Variants in PDGFD observed in about 807,000 individuals in gnomAD.
PDGFD encodes platelet-derived growth factor D.
In PDGFD, 30 loss-of-function variants were observed where a neutral mutation model predicts 44.7. That is an observed-to-expected ratio of 0.67 (90% CI 0.50 to 0.91). PDGFD has a LOEUF of 0.91. Among genes scored for constraint, PDGFD ranks in the 40% least tolerant of loss-of-function variants. The pLI, the probability that PDGFD is intolerant of heterozygous loss-of-function variation, is 0.00. For missense variants in PDGFD, 445 were observed against 457.8 expected (o/e 0.97, Z 0.25); for synonymous variants, 173 against 168.4 (o/e 1.03, Z -0.21).
At chr11:103,997,940 A>T (rs1373350298) in intron 2 of PDGFD, among the ~76,000 whole-genome samples, 2 of 151,850 alleles carry the variant, frequency 1.3e-5, no homozygotes, top group Non-Finnish European at 2.9e-5. Flanking sequence ...TTCCTTCCAT[A>T]AATTTTGAGG....
At chr11:104,036,901 C>T (rs750450904) in intron 1 of PDGFD, 13 of 1,614,172 alleles carry the variant, frequency 8.1e-6, no homozygotes, top group Non-Finnish European at 1.1e-5. Flanking sequence ...CGACTTTGAG[C>T]TCCGAAACTT....
intron 3 of PDGFD, among the ~76,000 whole-genome samples, chr11:103,951,134 C>T (rs986391604): frequency 6.6e-6 from 1 of 152,150 alleles, no homozygotes; most frequent in African/African-American, 2.4e-5. Flanking sequence ...CTTAGCAATA[C>T]AAATGTTAGA....
intron 1 of PDGFD, among the ~76,000 whole-genome samples, chr11:104,115,791 T>C (rs1861627568): frequency 6.6e-6 from 1 of 152,122 alleles, no homozygotes; most frequent in South Asian, 2.1e-4. Context: ...TCATTAGTGA[T>C]GTTGAGCATT....
intron 5 of PDGFD, among the ~76,000 whole-genome samples, chr11:103,942,298 A>G (rs1244437397): frequency 6.6e-6 from 1 of 152,120 alleles, no homozygotes; most frequent in Non-Finnish European, 1.5e-5. Flanking sequence ...CTTATCAAAT[A>G]AGGAAAGGAC....
At chr11:104,133,568 A>T (rs1438050774) in intron 1 of PDGFD, among the ~76,000 whole-genome samples, 1 of 152,098 alleles carries the variant, frequency 6.6e-6, no homozygotes, top group East Asian at 1.9e-4. Flanking sequence ...GTATGTGACA[A>T]ATGCTCTAGT....
intron 1 of PDGFD, among the ~76,000 whole-genome samples, chr11:104,099,193 G>A (rs1189520496): frequency 6.6e-6 from 1 of 152,168 alleles, no homozygotes; most frequent in Non-Finnish European, 1.5e-5. Flanking sequence ...AATCCAGGCA[G>A]TCTTGACAGT....
At chr11:104,018,203 C>T (rs535762510) in intron 1 of PDGFD, among the ~76,000 whole-genome samples, 29 of 152,074 alleles carry the variant, frequency 1.9e-4, no homozygotes, top group Admixed American at 9.2e-4. Flanking sequence ...GACTGGGACT[C>T]ATTCAGTGTT....
At chr11:103,945,783 T>A (rs1272913988) in intron 4 of PDGFD, 1 of 152,156 alleles carries the variant, frequency 6.6e-6, no homozygotes, top group African/African-American at 2.4e-5. Flanking sequence ...CTCAGTCCCT[T>A]AGAAGGGAGG....
chr11:103,933,751 T>A (rs900812659), intron 5 of PDGFD, among the ~76,000 whole-genome samples: 5 of 152,176 alleles, frequency 3.3e-5, no homozygotes, highest in Admixed American at 6.5e-5. Flanking sequence ...ACAATTCCCA[T>A]TGGATGGATG....
intron 1 of PDGFD, among the ~76,000 whole-genome samples, chr11:104,100,797 T>C (rs1400416735): frequency 3.3e-5 from 5 of 152,090 alleles, no homozygotes; most frequent in African/African-American, 1.2e-4. Flanking sequence ...TGGTTCAACA[T>C]AACGCAAATC....
intron 6 of PDGFD, among the ~76,000 whole-genome samples, chr11:103,912,806 C>CAAA (rs151187277): frequency 7.0e-6 from 1 of 143,398 alleles, no homozygotes; most frequent in Non-Finnish European, 1.5e-5. Flanking sequence ...AAATGGAAAA[C>CAAA]AAAAAAAAAA....
rs112925558 is a variant in PDGFD, at chr11:104,054,544, G to A, written c.125-54289C>T. Among the ~76,000 whole-genome samples, 439 of 152,108 alleles carry A rather than the reference G, an allele frequency of 2.9e-3. 2 individuals carry two copies. Among genetic ancestry groups the A allele is most frequent in the Non-Finnish European group, 3.8e-3 (261 of 67,988 alleles). On this transcript the variant is annotated intron_variant, in intron 1 of 6. Coordinates refer to ENST00000393158, the MANE Select transcript of PDGFD (RefSeq NM_025208.5). Reference sequence around the variant, plus strand: ...ATCAGAAATAAAAATCATCACATGGGTGATGAGATACCATTTTTAGCATCA... The same window carrying A: ...ATCAGAAATAAAAATCATCACATGGATGATGAGATACCATTTTTAGCATCA...
chr11:104,132,823 T>C (rs74414590), intron 1 of PDGFD, among the ~76,000 whole-genome samples: 1,792 of 152,236 alleles, frequency 0.012, 28 homozygotes, highest in African/African-American at 0.039. Context: ...TAAACCCACC[T>C]TTTCATAATG....
intron 1 of PDGFD, among the ~76,000 whole-genome samples, chr11:104,056,724 T>C (rs1032629275): frequency 1.3e-5 from 2 of 152,234 alleles, no homozygotes; most frequent in Non-Finnish European, 2.9e-5. Flanking sequence ...ATTATTTTCA[T>C]ATTTATATTT....
chr11:103,962,631 C>T (rs1858955799), intron 3 of PDGFD, among the ~76,000 whole-genome samples: 1 of 152,104 alleles, frequency 6.6e-6, no homozygotes, highest in African/African-American at 2.4e-5. Context: ...TTGATAATCA[C>T]CATGTGAAAA....
At chr11:104,041,518 G>A (rs1326172470) in intron 1 of PDGFD, among the ~76,000 whole-genome samples, 3 of 150,306 alleles carry the variant, frequency 2.0e-5, no homozygotes, top group Non-Finnish European at 4.4e-5. Flanking sequence ...ATCATTTTCT[G>A]TTTTTTTTTC....
chr11:104,039,635 G>T (rs1860314826), intron 1 of PDGFD, among the ~76,000 whole-genome samples: 1 of 152,072 alleles, frequency 6.6e-6, no homozygotes, highest in Non-Finnish European at 1.5e-5. Flanking sequence ...CAAATGAACA[G>T]ATTTCTTTCC....
intron 3 of PDGFD, among the ~76,000 whole-genome samples, chr11:103,950,819 G>A (rs1457719887): frequency 6.6e-6 from 1 of 152,186 alleles, no homozygotes; most frequent in African/African-American, 2.4e-5. Context: ...AGTTGAAGCT[G>A]AGTGCTGGTG....
At chr11:103,953,618 T>C (rs1253705399) in intron 3 of PDGFD, among the ~76,000 whole-genome samples, 1 of 152,150 alleles carries the variant, frequency 6.6e-6, no homozygotes, top group Non-Finnish European at 1.5e-5. Context: ...AGACAAGACT[T>C]TAGGGGTAAA....
Sources: allele counts gnomAD v4.1 joint callset (sites outside exome capture counted in the v4.1 genomes callset), GRCh38; gene constraint gnomAD v4.1.1; transcripts MANE v1.5; gene names NCBI Gene and HGNC (gene_info 2026-07-23, HGNC 2026-07-21).